The following PER2 variants were observed in gnomAD, a reference collection of about 807,000 sequenced individuals.
The protein encoded by PER2 is period circadian protein homolog 2.
In PER2, 66 loss-of-function variants were observed where a neutral mutation model predicts 121.0. That is an observed-to-expected ratio of 0.55 (90% CI 0.45 to 0.67). The LOEUF (loss-of-function observed/expected upper bound fraction) is 0.67. PER2 is among the 30% of genes least tolerant of loss of function. PER2 has a pLI of 0.00. For missense variants in PER2, 1,521 were observed against 1,635.0 expected (o/e 0.93, Z 1.20); for synonymous variants, 684 against 659.9 (o/e 1.04, Z -0.56).
chr2:238,253,329 G>C lies in PER2; in HGVS notation c.2694C>G (p.Ala898=), dbSNP rs1385624623. The C allele has an allele frequency of 2.5e-6, 4 of 1,613,838 alleles. No individual in the cohort carries two copies. ...QFAVQPPPFP[A]PLAPVMAFML... is the part of the protein sequence containing the mutation. ...TGAATGCCATGACAGGCGCCAAAGG[G>C]GCAGGGAAAGGTGGGGGCTGGACTG... The change falls in exon 19 of 23, where the codon GCC becomes GCG. Residue 898 remains alanine, a synonymous_variant. Coordinates refer to ENST00000254657, the MANE Select transcript of PER2 (RefSeq NM_022817.3). This position sits in a 1 kb window ranked among gnomAD's most constrained non-coding sequence, Gnocchi z 5.6.
intron 12 of PER2, 40 bp downstream of exon 12, chr2:238,261,689 G>T: frequency 7.4e-7 from 1 of 1,350,102 alleles, no homozygotes; most frequent in Non-Finnish European, 1.0e-6. Context: ...GGGCTCTCAG[G>T]CTGCTACCTG....
upstream of PER2, among the ~76,000 whole-genome samples, chr2:238,292,679 G>C (rs1446268222): frequency 1.3e-5 from 2 of 150,822 alleles, no homozygotes; most frequent in Non-Finnish European, 1.5e-5. Flanking sequence ...CTTTTTTATA[G>C]ATGTCCATTG....
the PER2 span, among the ~76,000 whole-genome samples, chr2:238,297,177 C>T: frequency 1.3e-5 from 2 of 152,338 alleles, no homozygotes; most frequent in South Asian, 4.1e-4. Context: ...ATCCACCCCC[C>T]ACGCTCTGCG....
upstream of PER2, among the ~76,000 whole-genome samples, chr2:238,294,730 C>A (rs1205701717): frequency 1.3e-5 from 2 of 152,198 alleles, no homozygotes; most frequent in Non-Finnish European, 1.5e-5. Flanking sequence ...TCATGGCTAC[C>A]CTCACCACCC....
At chr2:238,281,309 T>C (rs527433344) in intron 1 of PER2, among the ~76,000 whole-genome samples, 1 of 152,252 alleles carries the variant, frequency 6.6e-6, no homozygotes, top group South Asian at 2.1e-4. Context: ...GCCGTCTACA[T>C]ATATTAATAG....
chr2:238,254,594 C>A (rs1027098741), intron 18 of PER2, among the ~76,000 whole-genome samples: 1 of 152,194 alleles, frequency 6.6e-6, no homozygotes, highest in Non-Finnish European at 1.5e-5. Context: ...AAGCACTGGG[C>A]TCCTGGGATG....
chr2:238,259,907 C>A lies in PER2; in HGVS notation c.1627+62G>T, dbSNP rs974513049. 1.1e-5 allele frequency: 8 copies of A among 754,330 alleles called. No homozygotes were observed. The African/African-American group carries it at 1.4e-4, about 13-fold the overall frequency. The allele number at this position is 754,330 out of a possible 1,614,324, so 46.7% of individuals were successfully genotyped here. ...CAGAGTCAGCATTTAACCCAGGTTC[C>A]CTCTTCTCATGTGGCCATACTCTAG... On this transcript the variant is annotated intron_variant, in intron 14 of 22. Coordinates refer to ENST00000254657, the MANE Select transcript of PER2 (RefSeq NM_022817.3).
Position 238,253,228 on chromosome 2 carries a change from G to A in PER2, c.2795C>T (p.Pro932Leu), listed in dbSNP as rs199746230. Reference sequence around the variant, plus strand: ...CTCGGATGTGAGTGTGGGGTGGCTCGGAAACTGAGGCTGGCTGGGGAAGAA... The same window carrying A: ...CTCGGATGTGAGTGTGGGGTGGCTCAGAAACTGAGGCTGGCTGGGGAAGAA... ...QAFFPSQPQF[P>L]SHPTLTSEMA... Residue 932 changes from proline (P) to leucine (L), a missense_variant, in exon 19 of 23, where the codon CCG becomes CTG. Pro to Leu is a moderately conservative substitution (Grantham distance 98). Coordinates refer to ENST00000254657, the MANE Select transcript of PER2 (RefSeq NM_022817.3). The surrounding 1 kb of genome is among the most constrained non-coding windows in gnomAD (Gnocchi z 5.6). 165 of 1,600,474 alleles carry A rather than the reference G, an allele frequency of 1.0e-4. No homozygotes were observed. In the East Asian group the frequency reaches 3.0e-3, roughly 29 times the overall value.
intron 11 of PER2, 121 bp from the exon 12 acceptor site, chr2:238,261,958 C>T: frequency 1.3e-6 from 1 of 764,430 alleles, no homozygotes; most frequent in South Asian, 1.7e-5. Flanking sequence ...CTGCAGCCCC[C>T]CAGGCTGCTG....
At position 238,253,697 on chromosome 2, in the gene PER2, G is replaced by A; in HGVS notation, c.2326C>T (p.Pro776Ser). 1 of 1,602,420 alleles carries A rather than the reference G, an allele frequency of 6.2e-7. No individual in the cohort carries two copies. The highest frequency in any genetic ancestry group is 8.5e-7 in the Non-Finnish European group (1 of 1,173,266). Residue 776 changes from proline (P) to serine (S), a missense_variant, in exon 19 of 23, where the codon CCT (proline) becomes TCT (serine). Transcript: ENST00000254657. This position sits in a 1 kb window ranked among gnomAD's most constrained non-coding sequence, Gnocchi z 5.6. Reference sequence around the variant, plus strand: ...ATTCCGGAAGTATTTCTTAGTCCAGGGGCAGCTAATGCAGAAAAACAAATA... The same window carrying A: ...ATTCCGGAAGTATTTCTTAGTCCAGAGGCAGCTAATGCAGAAAAACAAATA... ...SKGQPSERTA[P>S]GLRNTSGIDS...
In PER2 at chr2:238,268,110, C is replaced by T. The variant is rs1286951832; in HGVS notation, c.913G>A (p.Glu305Lys). The T allele has an allele frequency of 4.3e-6, 7 of 1,614,178 alleles. No homozygotes were observed. Among genetic ancestry groups the T allele is most frequent in the South Asian group, 2.2e-5 (2 of 91,090 alleles). Residue 305 changes from glutamate (E) to lysine (K), a missense_variant, in exon 8 of 23, where the codon GAG becomes AAG. By Grantham distance (56) the Glu-to-Lys change is moderately conservative. Transcript: ENST00000254657. This position sits in a 1 kb window ranked among gnomAD's most constrained non-coding sequence, Gnocchi z 4.0. Reference protein sequence around the residue: ...LVKVRDQQGAESQLCCLLLAE... With the variant: ...LVKVRDQQGAKSQLCCLLLAE... Reference sequence around the variant, plus strand: ...AGCAGAAGGCAGCAAAGCTGACTCTCAGCACCTTGTTGGTCCCGCACCTTG... The same window carrying T: ...AGCAGAAGGCAGCAAAGCTGACTCTTAGCACCTTGTTGGTCCCGCACCTTG...
At chr2:238,263,081 C>A (rs1695984993) in intron 9 of PER2, 23 bp from the exon 10 acceptor site, 1 of 1,364,266 alleles carries the variant, frequency 7.3e-7, no homozygotes, top group Non-Finnish European at 1.0e-6. Flanking sequence ...CAGACACACG[C>A]TAGGATTGGC....
In PER2 at chr2:238,268,204, G is replaced by C. The variant is rs202102579; in HGVS notation, c.825-6C>G. On this transcript the variant is annotated splice_polypyrimidine_tract_variant and splice_region_variant and intron_variant, in intron 7 of 22. Coordinates refer to ENST00000254657, the MANE Select transcript of PER2 (RefSeq NM_022817.3). This position sits in a 1 kb window ranked among gnomAD's most constrained non-coding sequence, Gnocchi z 4.0. ...TCTCGTGGCTTTTCCGGACACTGCG[G>C]AGAAGAGCCACGCTCTAAGTTGGGA... The C allele has an allele frequency of 6.2e-7, 1 of 1,613,598 alleles. No individual in the cohort carries two copies. The highest frequency in any genetic ancestry group is 1.3e-5 in the African/African-American group (1 of 74,920).
At chr2:238,266,160 C>T (rs35626586) in intron 8 of PER2, among the ~76,000 whole-genome samples, 20,075 of 152,164 alleles carry the variant, frequency 0.13, 1,437 homozygotes, top group South Asian at 0.15. Flanking sequence ...ACCTTGGCCT[C>T]CCAAAGTGCT....
chr2:238,287,398 G>C (rs1399770713), intron 1 of PER2, among the ~76,000 whole-genome samples: 4 of 152,258 alleles, frequency 2.6e-5, no homozygotes, highest in Non-Finnish European at 5.9e-5. Flanking sequence ...GGCACACCCA[G>C]CCTGGGACCA....
the PER2 span, chr2:238,295,620 C>T: frequency 2.0e-5 from 3 of 152,626 alleles, no homozygotes; most frequent in African/African-American, 7.2e-5. Flanking sequence ...GCCCGAGTGA[C>T]TTAGACCTGC....
At chr2:238,292,983 G>A (rs1319074625), upstream of PER2, among the ~76,000 whole-genome samples, 2 of 150,746 alleles carry the variant, frequency 1.3e-5, no homozygotes, top group Non-Finnish European at 3.0e-5. Flanking sequence ...TGATCCGCCC[G>A]CCTCGGCCTC....
chr2:238,262,729 T>C (rs1383003379), intron 10 of PER2, among the ~76,000 whole-genome samples: 1 of 152,136 alleles, frequency 6.6e-6, no homozygotes. Flanking sequence ...GGCCACGGAC[T>C]GAGAAACAAC....
At chr2:238,273,269 A>C (rs1431913180) in intron 4 of PER2, 78 bp from the exon 5 acceptor site, 3 of 1,443,144 alleles carry the variant, frequency 2.1e-6, no homozygotes, top group Non-Finnish European at 2.9e-6. Flanking sequence ...TTACAAACTG[A>C]GGGCTCTACT....
Sources: gnomAD v4.1 joint callset for allele counts (sites outside exome capture counted in the v4.1 genomes callset) on GRCh38, gnomAD v4.1.1 for gene constraint, Gnocchi (gnomAD v3.1) non-coding constraint, MANE v1.5 for transcripts, NCBI Gene and HGNC (gene_info 2026-07-23, HGNC 2026-07-21) for gene names.